Variants in CPNE8 observed in about 807,000 individuals in gnomAD.
CPNE8 encodes the protein copine-8.
Under a neutral mutation model 81.5 loss-of-function variants are expected in CPNE8, and 45 were observed. The ratio of observed to expected loss-of-function variants is 0.55; its 90% CI spans 0.44 to 0.71. The LOEUF (loss-of-function observed/expected upper bound fraction) is 0.71. Ranked by LOEUF, CPNE8 falls within the 30% of genes least tolerant of loss-of-function variation. CPNE8 has a pLI of 0.00. For synonymous variants in CPNE8, 252 were observed against 226.3 expected (o/e 1.11, Z -1.02); for missense variants, 594 against 672.1 (o/e 0.88, Z 1.28).
intron 10 of CPNE8, among the ~76,000 whole-genome samples, chr12:38,748,667 A>ATTT (rs376012133): frequency 1.3e-5 from 2 of 150,770 alleles, no homozygotes; most frequent in African/African-American, 4.9e-5. Context: ...CGCCCGGCTA[A>ATTT]TTTTTTTTTG....
At chr12:38,893,007 TAA>T (rs145617759) in intron 1 of CPNE8, among the ~76,000 whole-genome samples, 1 of 148,852 alleles carries the variant, frequency 6.7e-6, no homozygotes, top group Admixed American at 6.7e-5. Flanking sequence ...AATAGTTCTT[TAA>T]AAAAAAAACC....
chr12:38,706,415 G>T (rs1940106964), intron 13 of CPNE8, among the ~76,000 whole-genome samples: 1 of 151,994 alleles, frequency 6.6e-6, no homozygotes, highest in Non-Finnish European at 1.5e-5. Flanking sequence ...TTTATCCATT[G>T]ATTTTCTCAT....
chr12:38,779,957 C>T (rs1342931155), intron 6 of CPNE8, among the ~76,000 whole-genome samples: 2 of 151,894 alleles, frequency 1.3e-5, no homozygotes, highest in Admixed American at 6.6e-5. Flanking sequence ...GAATAGGGAG[C>T]CCAGAAGTAA....
At chr12:38,892,343 G>A (rs1944324851) in intron 1 of CPNE8, among the ~76,000 whole-genome samples, 1 of 152,162 alleles carries the variant, frequency 6.6e-6, no homozygotes, top group Non-Finnish European at 1.5e-5. Context: ...AACAGTGGAA[G>A]TTTCTGCAAA....
At position 38,902,395 on chromosome 12, in the gene CPNE8, G is replaced by A. The variant is rs1472139444; in HGVS notation, c.98+3042C>T. ...AAGAAAGAAAGAAAAGAAAGAAAGA[G>A]AAAGAAAGAAAGAAAGAAAGAAAAA... On this transcript the variant is annotated intron_variant, in intron 1 of 19. Transcript: ENST00000331366. Among the ~76,000 whole-genome samples the A allele has an allele frequency of 1.4e-4, 18 of 130,852 alleles. 2 individuals carry two copies. Among genetic ancestry groups the A allele is most frequent in the African/African-American group, 5.2e-4 (15 of 28,912 alleles). The allele number at this position is 130,852 out of a possible 152,430, so 85.8% of individuals were successfully genotyped here.
intron 17 of CPNE8, among the ~76,000 whole-genome samples, chr12:38,677,078 G>A (rs2136649966): frequency 6.6e-6 from 1 of 152,104 alleles, no homozygotes; most frequent in African/African-American, 2.4e-5. Flanking sequence ...TACAGAAATA[G>A]CAATTAGCTA....
rs187451342 is a variant in CPNE8 at position 38,824,150 on chromosome 12, T to C, written c.407+5229A>G. 1.3e-4 allele frequency among the ~76,000 whole-genome samples: 20 copies of C among 152,248 alleles called. 1 individual carries two copies. Among genetic ancestry groups the C allele is most frequent in the South Asian group, 1.2e-3 (6 of 4,818 alleles). Reference sequence around the variant, plus strand: ...TATTAAAAAGTAAACTAAAAATTATTGAACATCAATTTCAAATTATTTCAT... The same window carrying C: ...TATTAAAAAGTAAACTAAAAATTATCGAACATCAATTTCAAATTATTTCAT... On this transcript the variant is annotated intron_variant, in intron 6 of 19. Transcript: ENST00000331366.
At position 38,731,069 on chromosome 12, in the gene CPNE8, A is replaced by G. The variant is rs73271127; in HGVS notation, c.723-711T>C. 7.9e-3 allele frequency among the ~76,000 whole-genome samples: 1,196 copies of G among 152,018 alleles called. 15 individuals carry two copies. The highest frequency in any genetic ancestry group is 0.026 in the African/African-American group (1,065 of 41,550). ...ACAAAAACATGCTAAACATTCAGCA[A>G]TCTAGAGCAGACTCATATTCTACCC... On this transcript the variant is annotated intron_variant, in intron 10 of 19. Coordinates refer to ENST00000331366, the MANE Select transcript of CPNE8 (RefSeq NM_153634.3).
At chr12:38,810,858 G>A (rs1319779548) in intron 6 of CPNE8, among the ~76,000 whole-genome samples, 5 of 152,066 alleles carry the variant, frequency 3.3e-5, no homozygotes, top group African/African-American at 4.8e-5. Context: ...TGATTTCCAT[G>A]TGGCTCCCTA....
rs556253955 is a variant in CPNE8, at chr12:38,730,447, C to T, written c.723-89G>A. On this transcript the variant is annotated intron_variant, in intron 10 of 19. Transcript: ENST00000331366. Reference sequence around the variant, plus strand: ...GTTTTTAGAAAGGTTTAATCATTATCAAAAAAATGCTTGATATTATTATGA... The same window carrying T: ...GTTTTTAGAAAGGTTTAATCATTATTAAAAAAATGCTTGATATTATTATGA... The T allele has an allele frequency of 6.5e-5, 40 of 618,100 alleles. No individual in the cohort carries two copies. The South Asian group carries it at 9.2e-4, about 14-fold the overall frequency. 38.3% of individuals were successfully genotyped at this position (618,100 alleles called of 1,614,324 possible).
At chr12:38,784,219 C>T (rs1942119800) in intron 6 of CPNE8, among the ~76,000 whole-genome samples, 1 of 152,118 alleles carries the variant, frequency 6.6e-6, no homozygotes, top group Non-Finnish European at 1.5e-5. Context: ...ATACAATTGG[C>T]ATACTGAAGA....
At chr12:38,887,485 G>C (rs1944253838) in intron 1 of CPNE8, among the ~76,000 whole-genome samples, 1 of 152,028 alleles carries the variant, frequency 6.6e-6, no homozygotes, top group Admixed American at 6.6e-5. Flanking sequence ...TAAGAAAGTT[G>C]GGGTGATTTG....
intron 6 of CPNE8, among the ~76,000 whole-genome samples, chr12:38,777,521 C>T (rs1016201242): frequency 2.0e-5 from 3 of 152,112 alleles, no homozygotes; most frequent in Admixed American, 6.5e-5. Context: ...ATAAAGCCTA[C>T]AGTAGTATAA....
intron 6 of CPNE8, among the ~76,000 whole-genome samples, chr12:38,781,952 T>G (rs1214466292): frequency 1.3e-5 from 2 of 152,004 alleles, no homozygotes; most frequent in African/African-American, 4.8e-5. Context: ...ACATATCAGA[T>G]CAAAAGAAAG....
chr12:38,762,001 G>A (rs953572727), intron 9 of CPNE8, 111 bp downstream of exon 9: 16 of 465,846 alleles, frequency 3.4e-5, no homozygotes, highest in Non-Finnish European at 6.0e-5. Flanking sequence ...TTTCATTTTT[G>A]GAAAATAAGT....
intron 4 of CPNE8, among the ~76,000 whole-genome samples, chr12:38,847,941 T>C (rs1943583637): frequency 6.6e-6 from 1 of 152,098 alleles, no homozygotes; most frequent in African/African-American, 2.4e-5. Flanking sequence ...CTTTTAACCA[T>C]ATCCAGATAC....
chr12:38,852,534 G>A (rs943329605), intron 3 of CPNE8, among the ~76,000 whole-genome samples: 68 of 152,156 alleles, frequency 4.5e-4, no homozygotes, highest in African/African-American at 1.4e-3. Flanking sequence ...CCTAGGAGGC[G>A]GAGGTTGCGG....
At chr12:38,774,291 C>A (rs373972891) in intron 7 of CPNE8, among the ~76,000 whole-genome samples, 1 of 152,076 alleles carries the variant, frequency 6.6e-6, no homozygotes, top group South Asian at 2.1e-4. Flanking sequence ...AAGATTTTGA[C>A]AAAATAGCAT....
chr12:38,904,922 C>A (rs1171253847), intron 1 of CPNE8, among the ~76,000 whole-genome samples: 1 of 152,122 alleles, frequency 6.6e-6, no homozygotes, highest in African/African-American at 2.4e-5. Context: ...GGCAAAAAGC[C>A]CGGAAGGGTC....
Sources: gnomAD v4.1 joint callset for allele counts (sites outside exome capture counted in the v4.1 genomes callset) on GRCh38, gnomAD v4.1.1 for gene constraint, MANE v1.5 for transcripts, NCBI Gene and HGNC (gene_info 2026-07-23, HGNC 2026-07-21) for gene names.